Variants in FBXO2 observed in about 807,000 individuals in gnomAD.
The protein encoded by FBXO2 is F-box protein 2.
FBXO2 carries 32 observed loss-of-function variants against 38.6 expected under a neutral mutation model. That is an observed-to-expected ratio of 0.83 (90% confidence interval 0.62 to 1.11). FBXO2 has a LOEUF of 1.11. Among genes scored for constraint, FBXO2 ranks in the 50% most tolerant of loss-of-function variants. FBXO2 has a pLI of 0.00. For missense variants in FBXO2, 450 were observed against 418.3 expected (o/e 1.08, Z -0.66); for synonymous variants, 189 against 182.9 (o/e 1.03, Z -0.27).
At chr1:11,653,973 G>GAA (rs1471128416) in intron 1 of FBXO2, 1 of 273,044 alleles carries the variant, frequency 3.7e-6, no homozygotes, top group Admixed American at 5.5e-5. Flanking sequence ...AAGAGCTGAT[G>GAA]AAAGAAAAGG....
At chr1:11,653,332 G>C (rs1227695409) in intron 1 of FBXO2, 2 of 152,432 alleles carry the variant, frequency 1.3e-5, no homozygotes, top group African/African-American at 4.8e-5. Flanking sequence ...CCACATTGTT[G>C]CCGGCGGAAA....
In FBXO2 at chr1:11,649,811, G is replaced by A; in HGVS notation, c.585C>T (p.Asp195=). The change falls in exon 4 of 6, where the codon GAC becomes GAT. Residue 195 remains aspartate, a synonymous_variant. Transcript: ENST00000354287. ...QAEGYWEELL[D]TTQPAIVVKD... ...TCACCACGATGGCCGGCTGAGTCGT[G>A]TCCAGCAGCTCCTCCCAGTAGCCCT... 8.1e-6 allele frequency: 13 copies of A among 1,613,944 alleles called. No individual in the cohort carries two copies. The highest frequency in any genetic ancestry group is 1.1e-5 in the Non-Finnish European group (13 of 1,180,004).
intron 4 of FBXO2, 35 bp downstream of exon 4, chr1:11,649,744 C>G (rs369806795): frequency 1.1e-5 from 18 of 1,605,474 alleles, no homozygotes; most frequent in Non-Finnish European, 1.5e-5. Flanking sequence ...TTACCCCGCT[C>G]CTCCCAGCCC....
In FBXO2 at chr1:11,649,934, C is replaced by A; in HGVS notation, c.521+11G>T. The A allele has an allele frequency of 6.2e-7, 1 of 1,614,064 alleles. No homozygotes were observed. The highest frequency in any genetic ancestry group is 8.5e-7 in the Non-Finnish European group (1 of 1,180,022). The stretch of plus-strand genomic sequence containing the variant: ...CCCCCCTTCCCACCTCCTCCACCCC[C>A]TTCTCCTTACTCAAAGGAGGAGGCG... On this transcript the variant is annotated intron_variant, in intron 3 of 5. Coordinates refer to ENST00000354287, the MANE Select transcript of FBXO2 (RefSeq NM_012168.6).
Position 11,648,984 on chromosome 1 carries a change from A to AGCCCT in FBXO2, c.756+102_756+103insAGGGC. ...CCCGGTGACTATCTCAGCCCAGCCC[A>AGCCCT]GCCCAGCCCACCCCAGCCCAGGAGC... is the stretch of plus-strand genomic sequence containing the variant. On this transcript the variant is annotated intron_variant, in intron 5 of 5. Transcript: ENST00000354287. This position sits in a 1 kb window ranked among gnomAD's most constrained non-coding sequence, Gnocchi z 4.2. 1 of 1,386,692 alleles carries AGCCCT rather than the reference A, an allele frequency of 7.2e-7. No individual in the cohort carries two copies. The allele number at this position is 1,386,692 out of a possible 1,614,324, so 85.9% of individuals were successfully genotyped here. A position where few individuals can be genotyped will look rare whatever the true frequency, so the allele number is the denominator to read the frequency against.
Position 11,648,916 on chromosome 1 carries a change from C to A in FBXO2, c.757-88G>T. 2 of 1,562,596 alleles carry A rather than the reference C, an allele frequency of 1.3e-6. No homozygotes were observed. The highest frequency in any genetic ancestry group is 1.7e-6 in the Non-Finnish European group (2 of 1,144,476). On this transcript the variant is annotated intron_variant, in intron 5 of 5. Coordinates refer to ENST00000354287, the MANE Select transcript of FBXO2 (RefSeq NM_012168.6). This position sits in a 1 kb window ranked among gnomAD's most constrained non-coding sequence, Gnocchi z 4.2. ...CCGGTACACCGACCGACCTGCAGCT[C>A]CCCCACTCGGTTTCTCCGCGGTATT...
At chr1:11,650,407 G>A in intron 2 of FBXO2, 59 bp downstream of exon 2, 1 of 1,560,366 alleles carries the variant, frequency 6.4e-7, no homozygotes, top group Non-Finnish European at 8.7e-7. Context: ...GCCAGGCGGC[G>A]CCGTTTCGGC....
intron 4 of FBXO2, 25 bp from the exon 5 acceptor site, chr1:11,649,250 GGGGGGCGGGAGGTGGGGT>G: frequency 6.0e-6 from 9 of 1,503,540 alleles, no homozygotes; most frequent in Non-Finnish European, 8.1e-6. Context: ...GGAGCGAGGT[GGGGGGCGGGAGGTGGGGT>G]GGGGGCATGG....
In FBXO2 at chr1:11,649,141, G is replaced by A. The variant is rs1013376316; in HGVS notation, c.702C>T (p.Phe234=). ...LSEHENVLAE[F]SSGQVAVPQD... is the part of the protein sequence containing the mutation. ...GGGGCACTGCCACCTGCCCGCTGCT[G>A]AACTCAGCCAGCACGTTCTCGTGCT... The change falls in exon 5 of 6, where the codon TTC becomes TTT. Residue 234 remains phenylalanine, a synonymous_variant. Transcript: ENST00000354287. 1.3e-6 allele frequency: 2 copies of A among 1,593,684 alleles called. No homozygotes were observed. The highest frequency in any genetic ancestry group is 2.3e-5 in the East Asian group (1 of 43,364).
At position 11,650,054 on chromosome 1, in the gene FBXO2, C is replaced by T; in HGVS notation, c.412G>A (p.Asp138Asn). 1 of 1,614,124 alleles carries T rather than the reference C, an allele frequency of 6.2e-7. No individual in the cohort carries two copies. The highest frequency in any genetic ancestry group is 8.5e-7 in the Non-Finnish European group (1 of 1,180,034). The change falls in exon 3 of 6, where the codon GAC (aspartate) becomes AAC (asparagine). Residue 138 changes from aspartate (D) to asparagine (N), a missense_variant. Transcript: ENST00000354287. ...CGEEDLEGWC[D>N]VEHGGDGWRV... ...CAGCCGTCCCCACCATGCTCCACGT[C>T]ACACCAGCCTTCCAAGTCCTCTGTA...
Position 11,648,705 on chromosome 1 carries a change from C to A in FBXO2, c.880G>T (p.Val294Leu). ...GARVTNSSVW[V>L]EP ...GGAGGCAGGGTCGCTCAGGGTTCTA[C>A]CCACACGCTGCTGTTGGTCACCCGG... is the stretch of plus-strand genomic sequence containing the variant. The change falls in exon 6 of 6, where the codon GTA (valine) becomes TTA (leucine). Residue 294 changes from valine to leucine, a missense_variant. Val to Leu is a conservative substitution (Grantham distance 32, BLOSUM62 1). Coordinates refer to ENST00000354287, the MANE Select transcript of FBXO2 (RefSeq NM_012168.6). The surrounding 1 kb of genome is among the most constrained non-coding windows in gnomAD (Gnocchi z 4.2). 6.2e-7 allele frequency: 1 copy of A among 1,613,410 alleles called. No individual in the cohort carries two copies.
At chr1:11,652,371 C>T (rs1178852621) in intron 1 of FBXO2, among the ~76,000 whole-genome samples, 4 of 152,162 alleles carry the variant, frequency 2.6e-5, no homozygotes, top group Non-Finnish European at 5.9e-5. Flanking sequence ...AAACTTTCTC[C>T]ACCTCCTTTT....
intron 1 of FBXO2, among the ~76,000 whole-genome samples, chr1:11,652,434 C>T (rs1240091347): frequency 6.6e-6 from 1 of 152,124 alleles, no homozygotes; most frequent in Non-Finnish European, 1.5e-5. Context: ...AATCATTGTG[C>T]CAGGCCATAC....
chr1:11,652,576 G>A (rs1243278360), intron 1 of FBXO2, among the ~76,000 whole-genome samples: 1 of 152,222 alleles, frequency 6.6e-6, no homozygotes, highest in Non-Finnish European at 1.5e-5. Context: ...GGCCATCACA[G>A]CCTTGAGTAA....
In FBXO2 at chr1:11,654,300, C is replaced by A; in HGVS notation, c.22+19G>T. 6.7e-7 allele frequency: 1 copy of A among 1,485,822 alleles called. No homozygotes were observed. The highest frequency in any genetic ancestry group is 8.9e-7 in the Non-Finnish European group (1 of 1,124,872). The allele number at this position is 1,485,822 out of a possible 1,614,324, so 92.0% of individuals were successfully genotyped here. A position where few individuals can be genotyped will look rare whatever the true frequency, so the allele number is the denominator to read the frequency against. On this transcript the variant is annotated intron_variant, in intron 1 of 5. Transcript: ENST00000354287. ...CATCTCCCCTCCCCGCCGCAGCGAG[C>A]GGTCCAGGCGTCGGCTACCTGGGTC...
chr1:11,653,205 G>A (rs1639565320), intron 1 of FBXO2, among the ~76,000 whole-genome samples: 1 of 152,120 alleles, frequency 6.6e-6, no homozygotes, highest in African/African-American at 2.4e-5. Context: ...TCGGACACCT[G>A]ATGCTCCCCG....
In FBXO2 at chr1:11,649,152, G is replaced by A. The variant is rs748063439; in HGVS notation, c.691C>T (p.Leu231=). Residue 231 remains leucine (L), a synonymous_variant, in exon 5 of 6, where the codon CTG becomes TTG. Coordinates refer to ENST00000354287, the MANE Select transcript of FBXO2 (RefSeq NM_012168.6). ...VKLLSEHENV[L]AEFSSGQVAV... ...ACCTGCCCGCTGCTGAACTCAGCCAGCACGTTCTCGTGCTCGGACAGTAGC... is the reference window on the plus strand; with the variant it reads ...ACCTGCCCGCTGCTGAACTCAGCCAACACGTTCTCGTGCTCGGACAGTAGC... The A allele has an allele frequency of 6.3e-7, 1 of 1,584,902 alleles. No individual in the cohort carries two copies. Among genetic ancestry groups the A allele is most frequent in the Non-Finnish European group, 8.6e-7 (1 of 1,166,142 alleles).
chr1:11,649,264 G>C, intron 4 of FBXO2, 39 bp from the exon 5 acceptor site: 7 of 1,230,416 alleles, frequency 5.7e-6, no homozygotes, highest in Non-Finnish European at 8.0e-6. Flanking sequence ...GGCGGGAGGT[G>C]GGGTGGGGGC....
rs373887342 is a variant in FBXO2 at position 11,648,877 on chromosome 1, C to T, written c.757-49G>A. ...CAGCCTCGGAGGTCCTGAGGCCTCT[C>T]CTGCCGCCCCACCCCGGTACACCGA... On this transcript the variant is annotated intron_variant, in intron 5 of 5. Transcript: ENST00000354287. The surrounding 1 kb of genome is among the most constrained non-coding windows in gnomAD (Gnocchi z 4.2). 4.4e-4 allele frequency: 705 copies of T among 1,603,270 alleles called. 5 individuals carry two copies. The highest frequency in any genetic ancestry group is 3.6e-4 in the Middle Eastern group (2 of 5,576).
Sources: allele counts gnomAD v4.1 joint callset (sites outside exome capture counted in the v4.1 genomes callset), GRCh38; gene constraint gnomAD v4.1.1; non-coding constraint Gnocchi (gnomAD v3.1); transcripts MANE v1.5; gene names NCBI Gene and HGNC (gene_info 2026-07-23, HGNC 2026-07-21).